The following LDLRAD3 variants were observed in gnomAD, a reference collection of about 807,000 sequenced individuals.
The protein encoded by LDLRAD3 is low-density lipoprotein receptor class A domain-containing protein 3.
LDLRAD3 carries 20 observed loss-of-function variants against 29.4 expected under a neutral mutation model. The observed-to-expected ratio is 0.68, with a 90% CI of 0.48 to 0.99. The LOEUF is 0.99. Ranked by LOEUF, LDLRAD3 falls within the 50% of genes least tolerant of loss-of-function variation. LDLRAD3 has a pLI of 0.00. For synonymous variants in LDLRAD3, 157 were observed against 192.7 expected (o/e 0.81, Z 1.53); for missense variants, 420 against 454.3 (o/e 0.92, Z 0.69).
At chr11:36,209,353 CTTTTTTTTTTT>C (rs71044560) in intron 4 of LDLRAD3, among the ~76,000 whole-genome samples, 1 of 68,596 alleles carries the variant, frequency 1.5e-5, no homozygotes, top group East Asian at 4.3e-4. Context: ...AGAAACTGTA[CTTTTTTTTTTT>C]TTTTTTTTTT....
chr11:36,133,779 C>T (rs1455314394), intron 4 of LDLRAD3, among the ~76,000 whole-genome samples: 1 of 151,838 alleles, frequency 6.6e-6, no homozygotes, highest in African/African-American at 2.4e-5. Context: ...CCTTGTGATC[C>T]GCCTGCCTCA....
intron 2 of LDLRAD3, among the ~76,000 whole-genome samples, chr11:36,067,084 C>T (rs12270058): frequency 6.6e-6 from 1 of 152,134 alleles, no homozygotes; most frequent in Admixed American, 6.5e-5. Flanking sequence ...GTGTCCTTCC[C>T]TCTTTTTTTT....
intron 4 of LDLRAD3, among the ~76,000 whole-genome samples, chr11:36,108,137 A>G (rs776818455): frequency 4.6e-5 from 7 of 151,946 alleles, no homozygotes; most frequent in Non-Finnish European, 8.8e-5. Flanking sequence ...TAACACAGTG[A>G]AACCCCGTCT....
intron 1 of LDLRAD3, among the ~76,000 whole-genome samples, chr11:35,990,342 C>T (rs939924852): frequency 1.3e-5 from 2 of 152,114 alleles, no homozygotes; most frequent in Non-Finnish European, 2.9e-5. Flanking sequence ...CTACTCCATG[C>T]TTCTCTCTTA....
At chr11:36,116,669 AAAAAAAT>A (rs1348335588) in intron 4 of LDLRAD3, among the ~76,000 whole-genome samples, 15 of 151,838 alleles carry the variant, frequency 9.9e-5, no homozygotes. Context: ...GGAGGAGACT[AAAAAAAT>A]AAAAAATAAA....
chr11:35,971,023 A>G (rs921018173), intron 1 of LDLRAD3, among the ~76,000 whole-genome samples: 3 of 152,214 alleles, frequency 2.0e-5, no homozygotes, highest in African/African-American at 7.2e-5. Flanking sequence ...TGGGTCATCA[A>G]GGACCCAGCC....
intron 1 of LDLRAD3, among the ~76,000 whole-genome samples, chr11:36,013,969 T>C (rs935177293): frequency 6.6e-6 from 1 of 152,138 alleles, no homozygotes; most frequent in Non-Finnish European, 1.5e-5. Flanking sequence ...CCCTTTTTTT[T>C]CCTCAAAAAG....
intron 4 of LDLRAD3, among the ~76,000 whole-genome samples, chr11:36,171,458 A>C (rs1021012078): frequency 6.6e-6 from 1 of 151,964 alleles, no homozygotes; most frequent in Non-Finnish European, 1.5e-5. Flanking sequence ...ATCCATCTTG[A>C]GTTTATTTTT....
chr11:35,973,504 C>T (rs890250695), intron 1 of LDLRAD3, among the ~76,000 whole-genome samples: 5 of 152,046 alleles, frequency 3.3e-5, no homozygotes, highest in South Asian at 4.2e-4. Flanking sequence ...GTCTCCCAGG[C>T]GGGAGTGCAG....
intron 3 of LDLRAD3, among the ~76,000 whole-genome samples, chr11:36,093,107 G>A (rs140405315): frequency 6.6e-6 from 1 of 152,322 alleles, no homozygotes. Flanking sequence ...TTGTGGACCA[G>A]GGAGAGCTTT....
chr11:36,039,211 C>A (rs372987499), intron 2 of LDLRAD3, among the ~76,000 whole-genome samples: 1 of 152,162 alleles, frequency 6.6e-6, no homozygotes, highest in African/African-American at 2.4e-5. Context: ...CCTCGTGACC[C>A]GCCCGCCTCG....
chr11:36,194,276 G>T (rs190096692), intron 4 of LDLRAD3, among the ~76,000 whole-genome samples: 1 of 152,126 alleles, frequency 6.6e-6, no homozygotes, highest in Non-Finnish European at 1.5e-5. Flanking sequence ...TTGCTTTGTA[G>T]GTCCATGATG....
At chr11:36,143,100 G>T (rs1014280012) in intron 4 of LDLRAD3, among the ~76,000 whole-genome samples, 2 of 152,206 alleles carry the variant, frequency 1.3e-5, no homozygotes, top group African/African-American at 4.8e-5. Flanking sequence ...GGCGGGTGGG[G>T]TTAACTTCAC....
At chr11:35,968,126 C>T (rs1851365378) in intron 1 of LDLRAD3, 2 of 445,104 alleles carry the variant, frequency 4.5e-6, no homozygotes, top group Non-Finnish European at 4.4e-6. Flanking sequence ...TCTCAGCAGG[C>T]AGCCCTTGTT....
chr11:36,209,736 C>A (rs988504342), intron 4 of LDLRAD3, among the ~76,000 whole-genome samples: 5 of 152,260 alleles, frequency 3.3e-5, no homozygotes, highest in East Asian at 1.9e-4. Flanking sequence ...AAAAGGAGAA[C>A]CTAGCATATA....
chr11:36,070,037 G>A (rs909956686), intron 2 of LDLRAD3, among the ~76,000 whole-genome samples: 2 of 152,124 alleles, frequency 1.3e-5, no homozygotes, highest in Admixed American at 6.6e-5. Flanking sequence ...GCATCCTATA[G>A]CTCCCCAATC....
chr11:36,008,939 T>C (rs185998852), intron 1 of LDLRAD3, among the ~76,000 whole-genome samples: 1 of 152,346 alleles, frequency 6.6e-6, no homozygotes, highest in East Asian at 1.9e-4. Flanking sequence ...GCTTTGGTTA[T>C]GAAAATAATA....
intron 1 of LDLRAD3, among the ~76,000 whole-genome samples, chr11:36,019,698 A>C (rs749762634): frequency 3.3e-5 from 5 of 152,202 alleles, no homozygotes; most frequent in Non-Finnish European, 7.3e-5. Context: ...CCCAGAGCAC[A>C]GTAGCCCATC....
intron 4 of LDLRAD3, among the ~76,000 whole-genome samples, chr11:36,105,764 G>T (rs1853520549): frequency 6.6e-6 from 1 of 152,178 alleles, no homozygotes; most frequent in Non-Finnish European, 1.5e-5. Context: ...CAACCCTGCG[G>T]ACATTTTGAT....
Sources: gnomAD v4.1 joint callset for allele counts (sites outside exome capture counted in the v4.1 genomes callset) on GRCh38, gnomAD v4.1.1 for gene constraint, MANE v1.5 for transcripts, NCBI Gene and HGNC (gene_info 2026-07-23, HGNC 2026-07-21) for gene names.